The following C7 variants were observed in gnomAD, a reference collection of about 807,000 sequenced individuals.
The protein encoded by C7 is complement component C7.
In C7, 83 loss-of-function variants were observed where a neutral mutation model predicts 104.8. The ratio of observed to expected loss-of-function variants is 0.79; its 90% confidence interval spans 0.66 to 0.95. C7 has a LOEUF of 0.95. C7 is among the 40% of genes least tolerant of loss of function. The pLI, the probability that C7 is intolerant of heterozygous loss-of-function variation, is 0.00. For synonymous variants in C7, 415 were observed against 360.6 expected (o/e 1.15, Z -1.71); for missense variants, 1,070 against 1,011.2 (o/e 1.06, Z -0.79).
chr5:40,948,203 G>A (rs953586968), intron 8 of C7, among the ~76,000 whole-genome samples: 2 of 151,510 alleles, frequency 1.3e-5, no homozygotes, highest in Admixed American at 1.3e-4. Flanking sequence ...AAATCAAGAT[G>A]TTTAAATAAG....
At position 40,981,501 on chromosome 5, in the gene C7, G is replaced by A. The variant is rs369115220; in HGVS notation, c.2460G>A (p.Ala820=). ...GKEQTMSECE[A]GALRCRGQSI... ...AGCAGACGATGTCTGAGTGTGAGGC[G>A]GGCGCTCTGAGATGCAGAGGGCAGA... is the stretch of plus-strand genomic sequence containing the variant. The change falls in exon 18 of 18, where the codon GCG becomes GCA. Residue 820 remains alanine (A), a synonymous_variant. Coordinates refer to ENST00000313164, the MANE Select transcript of C7 (RefSeq NM_000587.4). The A allele has an allele frequency of 4.6e-5, 75 of 1,613,644 alleles. No homozygotes were observed. The highest frequency in any genetic ancestry group is 1.6e-4 in the Middle Eastern group (1 of 6,082).
Position 40,945,053 on chromosome 5 carries a change from A to T in C7, c.568-145A>T, listed in dbSNP as rs534219955. The T allele has an allele frequency of 9.0e-6, 5 of 554,086 alleles. No individual in the cohort carries two copies. In the Admixed American group the frequency reaches 1.5e-4, roughly 17 times the overall value. 34.3% of individuals were successfully genotyped at this position (554,086 alleles called of 1,614,324 possible). On this transcript the variant is annotated intron_variant, in intron 6 of 17. Coordinates refer to ENST00000313164, the MANE Select transcript of C7 (RefSeq NM_000587.4). ...TAGAATGAACTCTTTCCTTATAATCATACTGGCCTGGTCTTAATGAGAGTC... is the reference window on the plus strand; with the variant it reads ...TAGAATGAACTCTTTCCTTATAATCTTACTGGCCTGGTCTTAATGAGAGTC...
At chr5:40,909,672 G>T (rs1739167001) in intron 1 of C7, 56 bp downstream of exon 1, 2 of 1,317,208 alleles carry the variant, frequency 1.5e-6, no homozygotes, top group Non-Finnish European at 2.1e-6. Context: ...AAATGAACGG[G>T]GGTAATATAA....
At chr5:40,916,210 G>A (rs954140050) in intron 1 of C7, among the ~76,000 whole-genome samples, 2 of 152,092 alleles carry the variant, frequency 1.3e-5, no homozygotes, top group African/African-American at 4.8e-5. Flanking sequence ...GTTTTTCAAT[G>A]CACATTTGAT....
chr5:40,918,949 GACAC>G (rs138558983), intron 1 of C7, among the ~76,000 whole-genome samples: 3,628 of 138,304 alleles, frequency 0.026, 76 homozygotes, highest in East Asian at 0.077. Flanking sequence ...GAATCTAACA[GACAC>G]ACACACACAC....
At chr5:40,931,657 T>C (rs143721328) in intron 3 of C7, among the ~76,000 whole-genome samples, 67 of 152,362 alleles carry the variant, frequency 4.4e-4, no homozygotes, top group Admixed American at 3.9e-3. Context: ...ATGTGGATAT[T>C]ATAAAAAGCT....
In C7 at chr5:40,960,678, C is replaced by T. The variant is rs189961136; in HGVS notation, c.1661+1058C>T. 4.8e-3 allele frequency among the ~76,000 whole-genome samples: 732 copies of T among 152,180 alleles called. 1 individual carries two copies. The highest frequency in any genetic ancestry group is 8.1e-3 in the Non-Finnish European group (554 of 67,992). The stretch of plus-strand genomic sequence containing the variant: ...AGGGGAGGGGAAGTATCATCTTTCT[C>T]AGTACAAATAGGAAAATTAAACTTG... On this transcript the variant is annotated intron_variant, in intron 12 of 17. Coordinates refer to ENST00000313164, the MANE Select transcript of C7 (RefSeq NM_000587.4).
At chr5:40,934,120 A>T (rs1026365275) in intron 3 of C7, among the ~76,000 whole-genome samples, 2 of 151,814 alleles carry the variant, frequency 1.3e-5, no homozygotes, top group Non-Finnish European at 1.5e-5. Flanking sequence ...AATAGCCAAC[A>T]TGTTGCTTAA....
At position 40,959,638 on chromosome 5, in the gene C7, C is replaced by A. The variant is rs151009276; in HGVS notation, c.1661+18C>A. The A allele has an allele frequency of 2.6e-4, 404 of 1,557,224 alleles. 1 individual carries two copies. The East Asian group carries it at 8.5e-3, about 33-fold the overall frequency. On this transcript the variant is annotated intron_variant, in intron 12 of 17. Transcript: ENST00000313164. ...CACTTGAGGTAATGGAGACCCGACC[C>A]CCTGGCAGTTGCATAGAACACAGTA...
At chr5:40,939,588 T>G (rs1739890602) in intron 6 of C7, among the ~76,000 whole-genome samples, 2 of 152,238 alleles carry the variant, frequency 1.3e-5, no homozygotes, top group East Asian at 1.9e-4. Flanking sequence ...TATTACAATT[T>G]AACCTTTGGC....
intron 1 of C7, among the ~76,000 whole-genome samples, chr5:40,915,306 G>A (rs909053873): frequency 3.3e-5 from 5 of 152,170 alleles, no homozygotes; most frequent in African/African-American, 1.2e-4. Context: ...GAAAGAGGCA[G>A]CTTGGGGAGG....
intron 15 of C7, among the ~76,000 whole-genome samples, chr5:40,974,878 G>A (rs1740780636): frequency 6.6e-6 from 1 of 152,116 alleles, no homozygotes; most frequent in African/African-American, 2.4e-5. Context: ...AACGCTATTG[G>A]AATTTTAGGT....
intron 1 of C7, among the ~76,000 whole-genome samples, chr5:40,914,017 C>CA (rs1386609876): frequency 1.3e-5 from 2 of 152,104 alleles, no homozygotes; most frequent in African/African-American, 2.4e-5. Context: ...TTTGTAGAGA[C>CA]AGAGTCTTAC....
rs541617568 is a variant in C7 at position 40,916,666 on chromosome 5, G to A, written c.6+7050G>A. Among the ~76,000 whole-genome samples, 7 of 152,034 alleles carry A rather than the reference G, an allele frequency of 4.6e-5. No homozygotes were observed. In the South Asian group the frequency reaches 1.0e-3, roughly 23 times the overall value. The stretch of plus-strand genomic sequence containing the variant: ...CTTACTTGTCTTTAGAGAATTCAGC[G>A]GTAGGAGATAGAGTTTGACAGGATT... On this transcript the variant is annotated intron_variant, in intron 1 of 17. Transcript: ENST00000313164.
chr5:40,981,678 G>C lies in C7; in HGVS notation c.*105G>C. The stretch of plus-strand genomic sequence containing the variant: ...CTGGACAGCTTTTCCTTCTTCTCCA[G>C]TGTCTACCTTCCTCCTCAACTCCCA... On this transcript the variant is annotated 3_prime_UTR_variant, in exon 18 of 18. Transcript: ENST00000313164. The C allele has an allele frequency of 1.2e-6, 1 of 866,230 alleles. No homozygotes were observed. 53.7% of individuals were successfully genotyped at this position (866,230 alleles called of 1,614,324 possible).
At chr5:40,980,058 C>A in intron 17 of C7, 149 bp downstream of exon 17, 1 of 541,680 alleles carries the variant, frequency 1.8e-6, no homozygotes, top group Non-Finnish European at 3.1e-6. Flanking sequence ...ACTGACCTCT[C>A]CTATACCCCT....
At chr5:40,951,062 G>T (rs1370955429) in intron 9 of C7, among the ~76,000 whole-genome samples, 2 of 152,104 alleles carry the variant, frequency 1.3e-5, no homozygotes, top group African/African-American at 4.8e-5. Flanking sequence ...GAAACATTTG[G>T]CAGGATTAAA....
intron 9 of C7, among the ~76,000 whole-genome samples, 158 bp from the exon 10 acceptor site, chr5:40,955,229 C>G (rs550459177): frequency 2.0e-5 from 3 of 152,330 alleles, no homozygotes; most frequent in Admixed American, 2.0e-4. Context: ...CCCTAAATAT[C>G]CTTTGTGCTC....
chr5:40,970,989 T>C (rs1373158572), intron 14 of C7, among the ~76,000 whole-genome samples: 2 of 152,318 alleles, frequency 1.3e-5, no homozygotes, highest in Non-Finnish European at 2.9e-5. Context: ...CTATCATTGA[T>C]GGGCATTTGG....
Sources: allele counts gnomAD v4.1 joint callset (sites outside exome capture counted in the v4.1 genomes callset), GRCh38; gene constraint gnomAD v4.1.1; transcripts MANE v1.5; gene names NCBI Gene and HGNC (gene_info 2026-07-23, HGNC 2026-07-21).